The following MYO15B variants were observed in gnomAD, a reference collection of about 807,000 sequenced individuals.
The protein encoded by MYO15B is myosin XVB pseudogene.
A neutral mutation model predicts 119.3 loss-of-function variants in MYO15B; 207 were observed. The observed-to-expected ratio is 1.73, with a 90% CI of 1.55 to 1.95. The LOEUF (loss-of-function observed/expected upper bound fraction) is 1.95. Among genes scored for constraint, MYO15B ranks in the 30% most tolerant of loss-of-function variants. The pLI is 0.00. For missense variants in MYO15B, 2,264 were observed against 1,203.1 expected, an observed-to-expected ratio of 1.88 and a Z score of -13.04; for synonymous variants, 966 against 498.9, an observed-to-expected ratio of 1.94 and a Z score of -12.48.
At chr17:75,612,089 GT>G in intron 25 of MYO15B, 73 bp downstream of exon 25, 2 of 676,624 alleles carry the variant, frequency 3.0e-6, no homozygotes, top group Non-Finnish European at 2.7e-6. Flanking sequence ...CAGATGCTGC[GT>G]TTTTTTCCCC....
chr17:75,604,931 G>A (rs2057528888), intron 19 of MYO15B, among the ~76,000 whole-genome samples: 1 of 151,908 alleles, frequency 6.6e-6, no homozygotes, highest in African/African-American at 2.4e-5. Flanking sequence ...CTGAGGTCAG[G>A]AGATTGAGAC....
chr17:75,621,320 G>A, intron 50 of MYO15B, 25 bp from the exon 51 acceptor site: 1 of 690,834 alleles, frequency 1.4e-6, no homozygotes, highest in Non-Finnish European at 2.7e-6. Flanking sequence ...AAACAAGCTG[G>A]GCTGTCTCCC....
At position 75,615,895 on chromosome 17, in the gene MYO15B, G is replaced by A. The variant is rs1023190705; in HGVS notation, c.6030+11G>A. ...GGTGGCTGCCTGAGGGTGAGGAGGT[G>A]ACCATATTCTCAGGAAGGGATGTGA... On this transcript the variant is annotated intron_variant, in intron 36 of 63. Coordinates refer to ENST00000645453, the Ensembl canonical transcript of MYO15B. 4.5e-6 allele frequency: 3 copies of A among 659,424 alleles called. No homozygotes were observed. The South Asian group carries it at 4.9e-5, about 11-fold the overall frequency. The allele number at this position is 659,424 out of a possible 1,614,324, so 40.8% of individuals were successfully genotyped here.
At chr17:75,592,617 CGGAGTAGAG>C in intron 8 of MYO15B, 53 bp from the exon 9 acceptor site, 1 of 649,284 alleles carries the variant, frequency 1.5e-6, no homozygotes, top group East Asian at 2.7e-5. Context: ...GAGGAGTAGC[CGGAGTAGAG>C]GGAGGCTATG....
intron 19 of MYO15B, 90 bp from the exon 20 acceptor site, chr17:75,605,414 G>C (rs1045952924): frequency 1.6e-6 from 1 of 638,060 alleles, no homozygotes; most frequent in Non-Finnish European, 2.8e-6. Flanking sequence ...TCCCGCCTGG[G>C]CAAAAGAGCG....
exon 17 of MYO15B, chr17:75,602,904 C>A (rs1183467028): frequency 1.5e-6 from 1 of 689,082 alleles, no homozygotes; most frequent in African/African-American, 1.8e-5. Context: ...TGGCCTCTCG[C>A]TTCCAGCAGG....
rs1350180701 is a variant in MYO15B, at chr17:75,624,284, G to A, written c.8367+15G>A. ...AGGCTTTCCTGGTACTGGGGGTGGCGGATGGGCATTGTGGGACACCCTGGG... is the reference window on the plus strand; with the variant it reads ...AGGCTTTCCTGGTACTGGGGGTGGCAGATGGGCATTGTGGGACACCCTGGG... On this transcript the variant is annotated intron_variant, in intron 56 of 63. Transcript: ENST00000645453. The A allele has an allele frequency of 1.4e-5, 10 of 702,812 alleles. No homozygotes were observed. The highest frequency in any genetic ancestry group is 2.3e-5 in the Non-Finnish European group (9 of 384,942). 43.5% of individuals were successfully genotyped at this position (702,812 alleles called of 1,614,324 possible). A position where few individuals can be genotyped will look rare whatever the true frequency, so the allele number is the denominator to read the frequency against.
rs114779427 is a variant in MYO15B at position 75,590,883 on chromosome 17, A to G, written c.2251-24A>G. The G allele has an allele frequency of 2.8e-3, 1,141 of 411,844 alleles. 8 individuals carry two copies. The highest frequency in any genetic ancestry group is 0.021 in the African/African-American group (1,021 of 49,054). The allele number at this position is 411,844 out of a possible 1,614,324, so 25.5% of individuals were successfully genotyped here. ...TTCCCCCTGCTCCCTCCACACTCTGATGAGAGCTTGTTTTCCTCCCCAGAC... is the reference window on the plus strand; with the variant it reads ...TTCCCCCTGCTCCCTCCACACTCTGGTGAGAGCTTGTTTTCCTCCCCAGAC... On this transcript the variant is annotated intron_variant, in intron 2 of 63. Transcript: ENST00000645453.
chr17:75,596,635 G>A (rs1484445359), intron 13 of MYO15B, 80 bp downstream of exon 13: 2 of 692,442 alleles, frequency 2.9e-6, no homozygotes, highest in Non-Finnish European at 5.3e-6. Flanking sequence ...AAGGAAAGTT[G>A]GGAACTGAGA....
chr17:75,614,575 T>C lies in MYO15B; in HGVS notation c.5382-8T>C, dbSNP rs1374221932. 2 of 700,544 alleles carry C rather than the reference T, an allele frequency of 2.9e-6. No individual in the cohort carries two copies. Among genetic ancestry groups the C allele is most frequent in the Non-Finnish European group, 5.2e-6 (2 of 384,804 alleles). 43.4% of individuals were successfully genotyped at this position (700,544 alleles called of 1,614,324 possible). A position where few individuals can be genotyped will look rare whatever the true frequency, so the allele number is the denominator to read the frequency against. On this transcript the variant is annotated splice_polypyrimidine_tract_variant and splice_region_variant and intron_variant, in intron 30 of 63. Transcript: ENST00000645453. ...GCCACCCCCTTAGCTGGATCCCGTT[T>C]CCTGCAGAGCCGAGGCCATTCCCCT...
exon 27 of MYO15B, chr17:75,613,072 G>A (rs1264928411): frequency 2.8e-6 from 2 of 702,570 alleles, no homozygotes; most frequent in African/African-American, 3.5e-5. Flanking sequence ...CAGGGCTGCG[G>A]AATGAGCTCT....
At chr17:75,608,396 T>C (rs1475326713) in intron 21 of MYO15B, among the ~76,000 whole-genome samples, 3 of 152,148 alleles carry the variant, frequency 2.0e-5, no homozygotes, top group African/African-American at 7.2e-5. Flanking sequence ...GTACTGGGAT[T>C]ACAGGCATGA....
At chr17:75,603,135 C>T (rs2057393722) in intron 18 of MYO15B, 53 bp from the exon 19 acceptor site, 3 of 703,062 alleles carry the variant, frequency 4.3e-6, no homozygotes, top group East Asian at 2.7e-5. Context: ...TCCCTCCCCA[C>T]AGCTCTAGGC....
At chr17:75,620,534 C>T (rs1011511596) in exon 49 of MYO15B, 30 of 702,680 alleles carry the variant, frequency 4.3e-5, no homozygotes, top group African/African-American at 1.6e-4. Flanking sequence ...AGCCGGCTGC[C>T]GCTCCCGACT....
In MYO15B at chr17:75,600,611, G is replaced by GTTTTTTT. The variant is rs763865954; in HGVS notation, c.3526-824_3526-823insTTTTTTT. ...TCTTTTTTTTTTTTTTTGAGACGGA[G>GTTTTTTT]TTTGGTTCTTGTTGCCCAGGCTGGA... On this transcript the variant is annotated intron_variant, in intron 14 of 63. Transcript: ENST00000645453. 5 of 135,790 alleles carry GTTTTTTT rather than the reference G, an allele frequency of 3.7e-5. 1 individual carries two copies. Among genetic ancestry groups the GTTTTTTT allele is most frequent in the Admixed American group, 7.7e-5 (1 of 13,016 alleles). The allele number at this position is 135,790 out of a possible 1,614,324, so 8.4% of individuals were successfully genotyped here.
exon 1 of MYO15B, chr17:75,588,415 G>A (rs1026308926): frequency 1.5e-5 from 6 of 398,390 alleles, no homozygotes; most frequent in Non-Finnish European, 2.7e-5. Context: ...CGGAGGAGAA[G>A]AGCTGGGCGG....
At chr17:75,603,600 A>G (rs2057428161) in intron 19 of MYO15B, among the ~76,000 whole-genome samples, 1 of 152,072 alleles carries the variant, frequency 6.6e-6, no homozygotes, top group Non-Finnish European at 1.5e-5. Context: ...TGGGAGCAGT[A>G]CCTGCCCTAG....
chr17:75,622,217 G>A (rs1280775737), intron 53 of MYO15B, 137 bp downstream of exon 53: 1 of 628,724 alleles, frequency 1.6e-6, no homozygotes, highest in Non-Finnish European at 2.9e-6. Context: ...GCAGGGGGGT[G>A]TGGCTGTGAA....
At chr17:75,596,576 C>T (rs1223422861) in intron 13 of MYO15B, 21 bp downstream of exon 13, 14 of 702,728 alleles carry the variant, frequency 2.0e-5, no homozygotes, top group Non-Finnish European at 2.9e-5. Context: ...TGGGCGTGGA[C>T]GTGGCAGGGG....
Sources: allele counts gnomAD v4.1 joint callset (sites outside exome capture counted in the v4.1 genomes callset), GRCh38; gene constraint gnomAD v4.1.1; transcripts MANE v1.5; gene names NCBI Gene and HGNC (gene_info 2026-07-23, HGNC 2026-07-21).